The following GLYCTK variants were observed in gnomAD, a reference collection of about 807,000 sequenced individuals.
GLYCTK encodes the protein glycerate kinase.
A neutral mutation model predicts 24.8 loss-of-function variants in GLYCTK; 22 were observed. The observed-to-expected ratio is 0.89, with a 90% CI of 0.63 to 1.27. GLYCTK has a LOEUF of 1.27. GLYCTK is among the 50% of genes most tolerant of loss of function. GLYCTK has a pLI of 0.00. For missense variants in GLYCTK, 684 were observed against 686.7 expected, an observed-to-expected ratio of 1.00 and a Z score of 0.04; for synonymous variants, 320 against 297.2, an observed-to-expected ratio of 1.08 and a Z score of -0.79.
In GLYCTK at chr3:52,293,499, G is replaced by C. The variant is rs1361952480; in HGVS notation, c.*373G>C. 1 of 478,734 alleles carries C rather than the reference G, an allele frequency of 2.1e-6. No individual in the cohort carries two copies. Among genetic ancestry groups the C allele is most frequent in the East Asian group, 6.3e-5 (1 of 15,802 alleles). 29.7% of individuals were successfully genotyped at this position (478,734 alleles called of 1,614,324 possible). ...GGTTCTCAGTGCGCCTTCCCTCAGAGTGAGGCCTCACGGGGGAGCCGCTGG... is the reference window on the plus strand; with the variant it reads ...GGTTCTCAGTGCGCCTTCCCTCAGACTGAGGCCTCACGGGGGAGCCGCTGG... On this transcript the variant is annotated 3_prime_UTR_variant, in exon 5 of 5. Coordinates refer to ENST00000436784, the MANE Select transcript of GLYCTK (RefSeq NM_145262.4).
At chr3:52,290,247 TG>T in intron 1 of GLYCTK, 56 bp from the exon 2 acceptor site, 1 of 1,450,256 alleles carries the variant, frequency 6.9e-7, no homozygotes. Flanking sequence ...GGGGCGGCCG[TG>T]GGGGACCTCC....
In GLYCTK at chr3:52,292,741, C is replaced by T. The variant is rs776525548; in HGVS notation, c.1187C>T (p.Ala396Val). The T allele has an allele frequency of 6.2e-7, 1 of 1,608,520 alleles. No homozygotes were observed. Among genetic ancestry groups the T allele is most frequent in the East Asian group, 2.2e-5 (1 of 44,782 alleles). ...LQLEEALETM[A>V]WGRGPVCLLA... Reference sequence around the variant, plus strand: ...CTGGAGGAGGCTCTGGAGACCATGGCATGGGGAAGGGGCCCAGTCTGCCTG... The same window carrying T: ...CTGGAGGAGGCTCTGGAGACCATGGTATGGGGAAGGGGCCCAGTCTGCCTG... The change falls in exon 5 of 5, where the codon GCA becomes GTA. Residue 396 changes from alanine to valine, a missense_variant. Coordinates refer to ENST00000436784, the MANE Select transcript of GLYCTK (RefSeq NM_145262.4).
rs1227044397 is a variant in GLYCTK, at chr3:52,294,247, C to T, written c.*1121C>T. On this transcript the variant is annotated 3_prime_UTR_variant, in exon 5 of 5. Transcript: ENST00000436784. The stretch of plus-strand genomic sequence containing the variant: ...CCCCGCCGTGCGCCACGGCTCCAAT[C>T]CCTATATGAGTGAGCAGTAGAATCA... 1 of 534,644 alleles carries T rather than the reference C, an allele frequency of 1.9e-6. No individual in the cohort carries two copies. Among genetic ancestry groups the T allele is most frequent in the Non-Finnish European group, 3.8e-6 (1 of 260,080 alleles). The allele number at this position is 534,644 out of a possible 1,614,324, so 33.1% of individuals were successfully genotyped here.
In GLYCTK at chr3:52,295,068, C is replaced by T. The variant is rs1417176527; in HGVS notation, c.*1942C>T. On this transcript the variant is annotated 3_prime_UTR_variant, in exon 5 of 5. Coordinates refer to ENST00000436784, the MANE Select transcript of GLYCTK (RefSeq NM_145262.4). ...GTTTGTAGGGGCTGGGAGGCCAGGG[C>T]CCGGATTGGACCCCATAGGGCCAAA... 2.2e-5 allele frequency: 10 copies of T among 454,078 alleles called. No homozygotes were observed. In the Admixed American group the frequency reaches 2.3e-4, roughly 11 times the overall value. 28.1% of individuals were successfully genotyped at this position (454,078 alleles called of 1,614,324 possible). A position where few individuals can be genotyped will look rare whatever the true frequency, so the allele number is the denominator to read the frequency against.
At position 52,290,469 on chromosome 3, in the gene GLYCTK, G is replaced by C. The variant is rs546919622; in HGVS notation, c.127G>C (p.Glu43Gln). The change falls in exon 2 of 5, where the codon GAG becomes CAG. Residue 43 changes from glutamate to glutamine, a missense_variant. Transcript: ENST00000436784. ...GGCAGAGCAGGCCAGGCAGCTGTTT[G>C]AGAGTGCTGTAGGTGCAGTGCTGCC... is the stretch of plus-strand genomic sequence containing the variant. ...ALAEQARQLF[E>Q]SAVGAVLPGP... The C allele has an allele frequency of 1.2e-6, 2 of 1,613,088 alleles. No individual in the cohort carries two copies. The highest frequency in any genetic ancestry group is 2.2e-5 in the South Asian group (2 of 91,086).
At chr3:52,288,857 C>T (rs1026507292) in intron 1 of GLYCTK, 1 of 152,170 alleles carries the variant, frequency 6.6e-6, no homozygotes, top group Non-Finnish European at 1.5e-5. Context: ...TTTTCGGAAT[C>T]CCCATGACGA....
rs780172727 is a variant in GLYCTK, at chr3:52,292,441, A to G, written c.887A>G (p.His296Arg). The change falls in exon 5 of 5, where the codon CAT becomes CGT. Residue 296 changes from histidine (H) to arginine (R), a missense_variant. His to Arg is a conservative substitution (Grantham distance 29). Transcript: ENST00000436784. Reference sequence around the variant, plus strand: ...CTGTCTCGGGCCGACTCTGACCCCCATGGGCCACACACCTGTGGCCATGTC... The same window carrying G: ...CTGTCTCGGGCCGACTCTGACCCCCGTGGGCCACACACCTGTGGCCATGTC... ...TVLSRADSDP[H>R]GPHTCGHVLN... is the part of the protein sequence containing the mutation. 6 of 1,612,996 alleles carry G rather than the reference A, an allele frequency of 3.7e-6. No homozygotes were observed. The highest frequency in any genetic ancestry group is 3.3e-5 in the Admixed American group (2 of 59,980).
chr3:52,293,140 A>G lies in GLYCTK; in HGVS notation c.*14A>G, dbSNP rs1007065246. On this transcript the variant is annotated 3_prime_UTR_variant, in exon 5 of 5. Coordinates refer to ENST00000436784, the MANE Select transcript of GLYCTK (RefSeq NM_145262.4). ...CGGCCTCGGTGATGGCATAGGTCAC[A>G]TTTTGGGAGTTCAGAGGAGGCCTAC... The G allele has an allele frequency of 6.2e-7, 1 of 1,612,950 alleles. No homozygotes were observed. The highest frequency in any genetic ancestry group is 8.5e-7 in the Non-Finnish European group (1 of 1,180,022).
In GLYCTK at chr3:52,292,255, C is replaced by T; in HGVS notation, c.706-5C>T. The T allele has an allele frequency of 1.2e-6, 2 of 1,613,816 alleles. No individual in the cohort carries two copies. Among genetic ancestry groups the T allele is most frequent in the Non-Finnish European group, 1.7e-6 (2 of 1,179,934 alleles). ...CCTGAGCCTTGTCTGGTGGCCCTTC[C>T]CCAGGTGGTGAGCCTCATCCTGTCA... On this transcript the variant is annotated splice_polypyrimidine_tract_variant and splice_region_variant and intron_variant, in intron 4 of 4. Coordinates refer to ENST00000436784, the MANE Select transcript of GLYCTK (RefSeq NM_145262.4).
At position 52,295,117 on chromosome 3, in the gene GLYCTK, G is replaced by T; in HGVS notation, c.*1991G>T. On this transcript the variant is annotated 3_prime_UTR_variant, in exon 5 of 5. Transcript: ENST00000436784. ...AATGGTCTGTGAGCCTAACCCGTTA[G>T]ATTTGCTCACTGGATACCCCAGAGA... is the stretch of plus-strand genomic sequence containing the variant. The T allele has an allele frequency of 2.2e-6, 1 of 454,116 alleles. No homozygotes were observed. Among genetic ancestry groups the T allele is most frequent in the Non-Finnish European group, 4.4e-6 (1 of 226,796 alleles). 28.1% of individuals were successfully genotyped at this position (454,116 alleles called of 1,614,324 possible). A position where few individuals can be genotyped will look rare whatever the true frequency, so the allele number is the denominator to read the frequency against.
rs1700460840 is a variant in GLYCTK at position 52,291,269 on chromosome 3, G to A, written c.529+158G>A. The A allele has an allele frequency of 6.7e-6, 6 of 890,478 alleles. No homozygotes were observed. In the South Asian group the frequency reaches 9.2e-5, roughly 14 times the overall value. 55.2% of individuals were successfully genotyped at this position (890,478 alleles called of 1,614,324 possible). ...GGATGGTGACTCCTGGGTTGCCTTGGGCTAGTCGTCTGGCCTCCCCTGAGC... is the reference window on the plus strand; with the variant it reads ...GGATGGTGACTCCTGGGTTGCCTTGAGCTAGTCGTCTGGCCTCCCCTGAGC... On this transcript the variant is annotated intron_variant, in intron 3 of 4. Transcript: ENST00000436784.
intron 3 of GLYCTK, 198 bp from the exon 4 acceptor site, chr3:52,291,549 G>C (rs1700469673): frequency 3.3e-6 from 2 of 602,312 alleles, no homozygotes; most frequent in East Asian, 5.5e-5. Context: ...GTGCCTACTG[G>C]GACCTGGGGT....
intron 1 of GLYCTK, chr3:52,289,997 C>G (rs1700408725): frequency 2.7e-6 from 1 of 373,138 alleles, no homozygotes; most frequent in Admixed American, 4.3e-5. Flanking sequence ...ATGATTAACT[C>G]CCAGCCAAAG....
chr3:52,291,427 G>A lies in GLYCTK; in HGVS notation c.529+316G>A, dbSNP rs184809156. On this transcript the variant is annotated intron_variant, in intron 3 of 4. Coordinates refer to ENST00000436784, the MANE Select transcript of GLYCTK (RefSeq NM_145262.4). ...TGCTATTGCTGCTGTCTGTACTAAT[G>A]TCACCTGGGGCTAGGCCCTCAGACC... 154 of 580,392 alleles carry A rather than the reference G, an allele frequency of 2.7e-4. 1 individual carries two copies. In the East Asian group the frequency reaches 4.4e-3, roughly 17 times the overall value. 36.0% of individuals were successfully genotyped at this position (580,392 alleles called of 1,614,324 possible).
At chr3:52,288,068 T>C (rs1700342353) in intron 1 of GLYCTK, 192 bp downstream of exon 1, 2 of 228,744 alleles carry the variant, frequency 8.7e-6, no homozygotes, top group Admixed American at 1.0e-4. Flanking sequence ...AAGCCGGAAA[T>C]GGTACCAGCC....
In GLYCTK at chr3:52,291,939, C is replaced by T; in HGVS notation, c.705+17C>T. Reference sequence around the variant, plus strand: ...CCTGCCCAGGTATGAGTCCCTTCTTCCCCAGGCAACCTTGGGTTGGTGGAG... The same window carrying T: ...CCTGCCCAGGTATGAGTCCCTTCTTTCCCAGGCAACCTTGGGTTGGTGGAG... On this transcript the variant is annotated intron_variant, in intron 4 of 4. Coordinates refer to ENST00000436784, the MANE Select transcript of GLYCTK (RefSeq NM_145262.4). 1 of 1,607,866 alleles carries T rather than the reference C, an allele frequency of 6.2e-7. No homozygotes were observed. Among genetic ancestry groups the T allele is most frequent in the South Asian group, 1.1e-5 (1 of 90,912 alleles).
chr3:52,293,934 C>T lies in GLYCTK; in HGVS notation c.*808C>T, dbSNP rs2153221303. The stretch of plus-strand genomic sequence containing the variant: ...GCTGTTTCCTTGTGACAGCCCTTGT[C>T]CTAGGCTGAACATCCCTAGTTCCTT... On this transcript the variant is annotated 3_prime_UTR_variant, in exon 5 of 5. Transcript: ENST00000436784. 2.2e-6 allele frequency: 1 copy of T among 453,210 alleles called. No homozygotes were observed. The highest frequency in any genetic ancestry group is 7.0e-5 in the East Asian group (1 of 14,386). 28.1% of individuals were successfully genotyped at this position (453,210 alleles called of 1,614,324 possible).
At chr3:52,287,916 C>G in intron 1 of GLYCTK, 40 bp downstream of exon 1, 1 of 442,310 alleles carries the variant, frequency 2.3e-6, no homozygotes, top group South Asian at 1.6e-5. Context: ...CCTTCAGAAG[C>G]GGTCCCTGGG....
intron 1 of GLYCTK, chr3:52,288,827 C>G (rs1219615977): frequency 6.6e-6 from 1 of 152,106 alleles, no homozygotes; most frequent in African/African-American, 2.4e-5. Context: ...CAGGGGTCCC[C>G]CTGGCCAAAA....
Sources: gnomAD v4.1 joint callset for allele counts on GRCh38, gnomAD v4.1.1 for gene constraint, MANE v1.5 for transcripts, NCBI Gene and HGNC (gene_info 2026-07-23, HGNC 2026-07-21) for gene names.